The following SLC5A5 variants were observed in gnomAD, a reference collection of about 807,000 sequenced individuals.
SLC5A5 encodes sodium/iodide cotransporter.
SLC5A5 carries 56 observed loss-of-function variants against 68.6 expected under a neutral mutation model. The ratio of observed to expected loss-of-function variants is 0.82; its 90% CI spans 0.66 to 1.02. The LOEUF (loss-of-function observed/expected upper bound fraction) is 1.02. SLC5A5 is among the 50% of genes least tolerant of loss of function. The pLI, the probability that SLC5A5 is intolerant of heterozygous loss-of-function variation, is 0.00. For missense variants in SLC5A5, 807 were observed against 859.8 expected (o/e 0.94, Z 0.77); for synonymous variants, 398 against 373.0 (o/e 1.07, Z -0.77).
chr19:17,872,294 C>G lies in SLC5A5; in HGVS notation c.-26C>G, dbSNP rs1402716078. On this transcript the variant is annotated 5_prime_UTR_variant, in exon 1 of 15. Coordinates refer to ENST00000222248, the MANE Select transcript of SLC5A5 (RefSeq NM_000453.3). Reference sequence around the variant, plus strand: ...CTTGAGCACGCAGGGCGTCCGAGGACGCGCTGGGCCTCCGCACCCGCCCTC... The same window carrying G: ...CTTGAGCACGCAGGGCGTCCGAGGAGGCGCTGGGCCTCCGCACCCGCCCTC... 4.6e-6 allele frequency: 7 copies of G among 1,524,952 alleles called. No homozygotes were observed. Among genetic ancestry groups the G allele is most frequent in the Non-Finnish European group, 4.4e-6 (5 of 1,127,536 alleles). The allele number at this position is 1,524,952 out of a possible 1,614,324, so 94.5% of individuals were successfully genotyped here.
chr19:17,874,042 G>T (rs1343769935), intron 1 of SLC5A5, 96 bp from the exon 2 acceptor site: 10 of 876,468 alleles, frequency 1.1e-5, no homozygotes, highest in Non-Finnish European at 1.7e-5. Context: ...GTTGGCTTCC[G>T]GAGGGAGGGG....
intron 1 of SLC5A5, 95 bp from the exon 2 acceptor site, chr19:17,874,043 G>A (rs923973956): frequency 5.7e-6 from 5 of 884,094 alleles, no homozygotes; most frequent in Non-Finnish European, 9.4e-6. Context: ...TTGGCTTCCG[G>A]AGGGAGGGGC....
chr19:17,888,208 A>T, intron 12 of SLC5A5, 123 bp from the exon 13 acceptor site: 1 of 1,165,452 alleles, frequency 8.6e-7, no homozygotes, highest in Non-Finnish European at 1.3e-6. Context: ...GGCAGACAGT[A>T]ATGGAGGTCT....
At chr19:17,886,567 C>G (rs1180412027) in intron 12 of SLC5A5, among the ~76,000 whole-genome samples, 1 of 152,158 alleles carries the variant, frequency 6.6e-6, no homozygotes, top group East Asian at 1.9e-4. Flanking sequence ...CTTGGCCTCC[C>G]AGGGTGTTAG....
Position 17,872,481 on chromosome 19 carries a change from G to A in SLC5A5, c.162G>A (p.Leu54=). The A allele has an allele frequency of 1.2e-6, 2 of 1,611,734 alleles. No individual in the cohort carries two copies. Among genetic ancestry groups the A allele is most frequent in the Non-Finnish European group, 1.7e-6 (2 of 1,179,386 alleles). Residue 54 remains leucine (L), a synonymous_variant, in exon 1 of 15, where the codon CTG becomes CTA. Transcript: ENST00000222248. ...ACTTCTTCACCGGGGGCCGGCGCCTGGCGGCCCTGCCCGTGGGCCTGTCGC... is the reference window on the plus strand; with the variant it reads ...ACTTCTTCACCGGGGGCCGGCGCCTAGCGGCCCTGCCCGTGGGCCTGTCGC... The part of the protein sequence containing the change: ...AEDFFTGGRR[L]AALPVGLSLS...
chr19:17,884,462 T>C lies in SLC5A5; in HGVS notation c.1526+416T>C, dbSNP rs546283350. Among the ~76,000 whole-genome samples the C allele has an allele frequency of 1.3e-4, 20 of 151,812 alleles. No individual in the cohort carries two copies. The South Asian group carries it at 4.2e-3, about 32-fold the overall frequency. ...TGGTTCTATTTTTTATTGAGATAAA[T>C]TAGCCATTTAAAAGTGGCATTTAGG... On this transcript the variant is annotated intron_variant, in intron 12 of 14. Coordinates refer to ENST00000222248, the MANE Select transcript of SLC5A5 (RefSeq NM_000453.3).
intron 12 of SLC5A5, 143 bp from the exon 13 acceptor site, chr19:17,888,188 C>T (rs1376494433): frequency 2.0e-6 from 2 of 1,004,330 alleles, no homozygotes; most frequent in East Asian, 2.5e-5. Flanking sequence ...TTGGCTACTG[C>T]ACAGATCTGG....
rs774667929 is a variant in SLC5A5 at position 17,872,538 on chromosome 19, G to A, written c.219G>A (p.Val73=). ...LSASFMSAVQ[V]LGVPSEAYRY... The stretch of plus-strand genomic sequence containing the variant: ...CCAGCTTCATGTCGGCCGTGCAGGT[G>A]CTGGGCGTGCCGTCGGAGGCCTATC... Residue 73 remains valine (V), a synonymous_variant, in exon 1 of 15, where the codon GTG becomes GTA. Coordinates refer to ENST00000222248, the MANE Select transcript of SLC5A5 (RefSeq NM_000453.3). 1 of 1,612,734 alleles carries A rather than the reference G, an allele frequency of 6.2e-7. No individual in the cohort carries two copies. The highest frequency in any genetic ancestry group is 1.1e-5 in the South Asian group (1 of 91,090).
intron 12 of SLC5A5, among the ~76,000 whole-genome samples, chr19:17,884,936 C>T (rs1206223216): frequency 2.6e-5 from 4 of 151,244 alleles, no homozygotes; most frequent in Middle Eastern, 3.4e-3. Context: ...TCAGGTGATC[C>T]GCCCACCTCA....
intron 14 of SLC5A5, 73 bp downstream of exon 14, chr19:17,891,074 G>A (rs2030150508): frequency 2.2e-6 from 2 of 916,130 alleles, no homozygotes; most frequent in Non-Finnish European, 3.7e-6. Context: ...GCTCAGGGGA[G>A]GGACATGGTA....
At chr19:17,887,941 T>G (rs536958730) in intron 12 of SLC5A5, among the ~76,000 whole-genome samples, 1 of 152,262 alleles carries the variant, frequency 6.6e-6, no homozygotes, top group South Asian at 2.1e-4. Context: ...ATTGATTTAT[T>G]TTTTTCTTTG....
chr19:17,894,115 C>T lies in SLC5A5; in HGVS notation c.*238C>T, dbSNP rs183947586. 5.7e-6 allele frequency: 3 copies of T among 523,622 alleles called. No individual in the cohort carries two copies. The highest frequency in any genetic ancestry group is 3.2e-5 in the East Asian group (1 of 31,130). 32.4% of individuals were successfully genotyped at this position (523,622 alleles called of 1,614,324 possible). ...GACGCTGCAGCCCTGACGGCTCCCC[C>T]CAAATAAGGCTGGGTTTTTCTCTCT... On this transcript the variant is annotated 3_prime_UTR_variant, in exon 15 of 15. Coordinates refer to ENST00000222248, the MANE Select transcript of SLC5A5 (RefSeq NM_000453.3).
chr19:17,883,591 T>A (rs1433134492), intron 10 of SLC5A5, 90 bp from the exon 11 acceptor site: 2 of 1,035,622 alleles, frequency 1.9e-6, no homozygotes, highest in Admixed American at 3.4e-5. Flanking sequence ...ACATTGGAGT[T>A]CCTGAGGTCT....
chr19:17,874,597 G>A, intron 3 of SLC5A5, 52 bp downstream of exon 3: 1 of 1,612,666 alleles, frequency 6.2e-7, no homozygotes, highest in Non-Finnish European at 8.5e-7. Context: ...AAGGGAGGGA[G>A]AGGAGAACCC....
At chr19:17,889,832 G>A (rs75600833) in intron 13 of SLC5A5, among the ~76,000 whole-genome samples, 34,471 of 152,066 alleles carry the variant, frequency 0.23, 4,159 homozygotes, top group Middle Eastern at 0.26. Context: ...TAAAGCTGCC[G>A]GTGACTCCGC....
At chr19:17,874,362 C>T (rs2094301648) in intron 2 of SLC5A5, 132 bp from the exon 3 acceptor site, 2 of 1,001,698 alleles carry the variant, frequency 2.0e-6, no homozygotes, top group Non-Finnish European at 1.6e-6. Flanking sequence ...GCCGGCCTGA[C>T]CCCGCCTGCA....
In SLC5A5 at chr19:17,872,248, G is replaced by C. The variant is rs894606557; in HGVS notation, c.-72G>C. 2.2e-5 allele frequency: 10 copies of C among 453,524 alleles called. No homozygotes were observed. Among genetic ancestry groups the C allele is most frequent in the East Asian group, 9.6e-5 (1 of 10,444 alleles). The allele number at this position is 453,524 out of a possible 1,614,324, so 28.1% of individuals were successfully genotyped here. A position where few individuals can be genotyped will look rare whatever the true frequency, so the allele number is the denominator to read the frequency against. On this transcript the variant is annotated 5_prime_UTR_variant, in exon 1 of 15. Transcript: ENST00000222248. ...CCCGCCCTCCCCGTCCTGCCTCCTC[G>C]GCCCCTGCCAGCTTCCCCCGCTTGA...
At chr19:17,886,990 C>G (rs945993120) in intron 12 of SLC5A5, among the ~76,000 whole-genome samples, 11 of 152,076 alleles carry the variant, frequency 7.2e-5, no homozygotes, top group African/African-American at 2.4e-4. Context: ...CAAAGAGGAT[C>G]GCTTGAGCCT....
chr19:17,872,898 TGCTCCTTCGGTGGAA>T (rs2094297889), intron 1 of SLC5A5, among the ~76,000 whole-genome samples: 1 of 152,182 alleles, frequency 6.6e-6, no homozygotes, highest in African/African-American at 2.4e-5. Flanking sequence ...CCTGGCGTCC[TGCTCCTTCGGTGGAA>T]GCGCGCGCGG....
Sources: allele counts gnomAD v4.1 joint callset (sites outside exome capture counted in the v4.1 genomes callset), GRCh38; gene constraint gnomAD v4.1.1; transcripts MANE v1.5; gene names NCBI Gene and HGNC (gene_info 2026-07-23, HGNC 2026-07-21).